Variants in LRP1B observed in about 807,000 individuals in gnomAD.
LRP1B encodes LDL receptor related protein 1B.
Under a neutral mutation model 556.6 loss-of-function variants are expected in LRP1B, and 217 were observed. The ratio of observed to expected loss-of-function variants is 0.39; its 90% CI spans 0.35 to 0.44. The LOEUF is 0.44. LRP1B is among the 20% of genes least tolerant of loss of function. LRP1B has a pLI of 1.00. For missense variants in LRP1B, 5,053 were observed against 5,620.8 expected (o/e 0.90, Z 3.23); for synonymous variants, 2,047 against 1,865.8 (o/e 1.10, Z -2.50).
intron 3 of LRP1B, among the ~76,000 whole-genome samples, chr2:141,365,616 A>G (rs1688996151): frequency 7.0e-6 from 1 of 142,460 alleles, no homozygotes; most frequent in Non-Finnish European, 1.6e-5. Context: ...CAGTAAAGAA[A>G]AAACATGTTC....
chr2:141,648,537 G>A (rs1306838502), intron 2 of LRP1B, among the ~76,000 whole-genome samples: 1 of 151,984 alleles, frequency 6.6e-6, no homozygotes, highest in Admixed American at 6.6e-5. Flanking sequence ...ATACAAATTG[G>A]CATCTTATTT....
At chr2:141,795,705 A>G (rs1359122800) in intron 2 of LRP1B, among the ~76,000 whole-genome samples, 1 of 151,548 alleles carries the variant, frequency 6.6e-6, no homozygotes, top group African/African-American at 2.4e-5. Flanking sequence ...TGTGTCCTTA[A>G]GCCTGTTGCT....
At chr2:140,797,099 T>C (rs1306192328) in intron 32 of LRP1B, among the ~76,000 whole-genome samples, 7 of 151,978 alleles carry the variant, frequency 4.6e-5, no homozygotes, top group Admixed American at 2.6e-4. Flanking sequence ...GCTGGGATTA[T>C]TTTTCTAAAT....
chr2:141,379,957 C>T (rs1359352101), intron 3 of LRP1B, among the ~76,000 whole-genome samples: 2 of 152,078 alleles, frequency 1.3e-5, no homozygotes, highest in Admixed American at 1.3e-4. Context: ...TTTTGCAAAG[C>T]CCTTCCTCAG....
intron 67 of LRP1B, among the ~76,000 whole-genome samples, chr2:140,382,496 T>C (rs1033803620): frequency 6.6e-6 from 1 of 152,174 alleles, no homozygotes; most frequent in African/African-American, 2.4e-5. Context: ...ATAACTCCAA[T>C]GACAATGAGA....
chr2:140,951,770 C>T (rs1695721288), intron 19 of LRP1B, 90 bp downstream of exon 19: 4 of 971,018 alleles, frequency 4.1e-6, no homozygotes, highest in Admixed American at 4.5e-5. Context: ...GCAAGATTCC[C>T]CTACAAAGTA....
At chr2:141,930,922 A>G (rs1007295829) in intron 1 of LRP1B, among the ~76,000 whole-genome samples, 7 of 151,956 alleles carry the variant, frequency 4.6e-5, no homozygotes, top group Non-Finnish European at 1.0e-4. Flanking sequence ...GTAACTGCCT[A>G]TTATTAAAGG....
intron 29 of LRP1B, among the ~76,000 whole-genome samples, chr2:140,843,056 GTTTTTTT>G (rs532264946): frequency 8.9e-3 from 250 of 28,050 alleles, no homozygotes; most frequent in African/African-American, 0.027. Context: ...CTCCAAAGTG[GTTTTTTT>G]TTTGTTTTTT....
At chr2:142,103,941 A>G (rs1200989600) in intron 1 of LRP1B, among the ~76,000 whole-genome samples, 3 of 152,136 alleles carry the variant, frequency 2.0e-5, no homozygotes, top group Non-Finnish European at 4.4e-5. Flanking sequence ...GTGTCTGATC[A>G]GTACTCTGGT....
chr2:140,362,915 T>C (rs1333582733), intron 72 of LRP1B, among the ~76,000 whole-genome samples: 1 of 151,634 alleles, frequency 6.6e-6, no homozygotes, highest in Non-Finnish European at 1.5e-5. Flanking sequence ...ACTTCTTTCA[T>C]CATTATATCA....
At chr2:141,098,037 C>G (rs1371198878) in intron 7 of LRP1B, among the ~76,000 whole-genome samples, 2 of 152,096 alleles carry the variant, frequency 1.3e-5, no homozygotes, top group Non-Finnish European at 2.9e-5. Flanking sequence ...CTTCCTTTCT[C>G]CAACCTTGAA....
At position 141,005,443 on chromosome 2, in the gene LRP1B, G is replaced by T. The variant is rs79798812; in HGVS notation, c.2395C>A (p.Arg799=). The T allele has an allele frequency of 9.3e-4, 1,505 of 1,610,094 alleles. 13 individuals carry two copies. In the African/African-American group the frequency reaches 0.016, roughly 18 times the overall value. ...PRKQQGDNMC[R]VNNGGCSTLC... is the part of the protein sequence containing the mutation. ...GTACTACAGCCCCCATTATTTACTC[G>T]GCACATATTGTCACCTGCAAGAGGA... Residue 799 remains arginine, a synonymous_variant, in exon 15 of 91, where the codon CGA becomes AGA. Coordinates refer to ENST00000389484, the MANE Select transcript of LRP1B (RefSeq NM_018557.3).
intron 25 of LRP1B, among the ~76,000 whole-genome samples, chr2:140,869,241 C>T (rs111314959): frequency 2.0e-5 from 3 of 152,076 alleles, no homozygotes; most frequent in Admixed American, 1.3e-4. Flanking sequence ...AATTTTACTC[C>T]GCCTTACTCC....
At chr2:141,161,257 C>T (rs954666643) in intron 7 of LRP1B, among the ~76,000 whole-genome samples, 1 of 152,068 alleles carries the variant, frequency 6.6e-6, no homozygotes, top group Non-Finnish European at 1.5e-5. Context: ...CAGTACTGCT[C>T]ATAGTATACA....
At chr2:141,965,709 C>T (rs1479310136) in intron 1 of LRP1B, among the ~76,000 whole-genome samples, 2 of 132,376 alleles carry the variant, frequency 1.5e-5, no homozygotes, top group African/African-American at 2.9e-5. Flanking sequence ...AACTAACCTG[C>T]ACAATGTGCA....
chr2:140,613,678 C>A (rs1209465594), intron 41 of LRP1B, among the ~76,000 whole-genome samples: 1 of 151,720 alleles, frequency 6.6e-6, no homozygotes, highest in Non-Finnish European at 1.5e-5. Context: ...CTCTTCTCTG[C>A]CCACATTAAA....
At chr2:141,564,191 A>C (rs1006981384) in intron 2 of LRP1B, among the ~76,000 whole-genome samples, 1 of 152,128 alleles carries the variant, frequency 6.6e-6, no homozygotes, top group Non-Finnish European at 1.5e-5. Context: ...TCTAGTACAT[A>C]ATCAGAACCT....
intron 5 of LRP1B, among the ~76,000 whole-genome samples, chr2:141,238,929 A>G (rs1244398887): frequency 6.6e-6 from 1 of 152,092 alleles, no homozygotes; most frequent in African/African-American, 2.4e-5. Flanking sequence ...GATATTGAAT[A>G]TATAATTGGA....
chr2:140,265,422 CATAGTT>C (rs1018721993), intron 86 of LRP1B, among the ~76,000 whole-genome samples: 7 of 151,980 alleles, frequency 4.6e-5, no homozygotes, highest in Non-Finnish European at 1.0e-4. Context: ...TTATTCCACA[CATAGTT>C]ATAAGTAAAA....
Sources: allele counts gnomAD v4.1 joint callset (sites outside exome capture counted in the v4.1 genomes callset), GRCh38; gene constraint gnomAD v4.1.1; transcripts MANE v1.5; gene names NCBI Gene and HGNC (gene_info 2026-07-23, HGNC 2026-07-21).